DAPK1: variants seen among roughly 807,000 people sequenced by gnomAD.
DAPK1 encodes death-associated protein kinase 1.
A neutral mutation model predicts 144.9 loss-of-function variants in DAPK1; 56 were observed. The ratio of observed to expected loss-of-function variants is 0.39; its 90% CI spans 0.31 to 0.48. The LOEUF is 0.48. Ranked by LOEUF, DAPK1 falls within the 20% of genes least tolerant of loss-of-function variation. DAPK1 has a pLI of 0.95. For synonymous variants in DAPK1, 690 were observed against 749.0 expected (o/e 0.92, Z 1.29); for missense variants, 1,454 against 1,875.4 (o/e 0.78, Z 4.15).
chr9:87,626,485 G>A (rs1829499963), intron 3 of DAPK1, among the ~76,000 whole-genome samples: 1 of 152,140 alleles, frequency 6.6e-6, no homozygotes, highest in Non-Finnish European at 1.5e-5. Flanking sequence ...CGAAGCCAAA[G>A]CAACTTCATG....
At chr9:87,520,080 G>A (rs1403829306) in intron 2 of DAPK1, among the ~76,000 whole-genome samples, 2 of 152,024 alleles carry the variant, frequency 1.3e-5, no homozygotes, top group Admixed American at 1.3e-4. Context: ...ATATAGAATT[G>A]ACTTCTTCCC....
At chr9:87,502,204 C>T (rs988867886) in intron 2 of DAPK1, among the ~76,000 whole-genome samples, 1 of 152,002 alleles carries the variant, frequency 6.6e-6, no homozygotes, top group African/African-American at 2.4e-5. Context: ...TCAGCCTCCA[C>T]TATGATTCTG....
At chr9:87,623,077 G>T (rs980178038) in intron 3 of DAPK1, among the ~76,000 whole-genome samples, 22 of 152,204 alleles carry the variant, frequency 1.4e-4, no homozygotes, top group African/African-American at 5.3e-4. Context: ...CACATAAGGG[G>T]CCCACTAGGA....
At chr9:87,668,574 A>G (rs779007073) in intron 18 of DAPK1, 23 bp from the exon 19 acceptor site, 1 of 1,106,688 alleles carries the variant, frequency 9.0e-7, no homozygotes, top group African/African-American at 1.5e-5. Context: ...GAGAAAAGAA[A>G]CTAATGCATT....
intron 15 of DAPK1, among the ~76,000 whole-genome samples, chr9:87,649,350 C>T (rs777880163): frequency 3.9e-5 from 6 of 152,172 alleles, no homozygotes; most frequent in South Asian, 2.1e-4. Context: ...ACAGGCCTCA[C>T]GGTCTATAAG....
intron 2 of DAPK1, among the ~76,000 whole-genome samples, chr9:87,549,018 G>GT (rs1826372976): frequency 6.9e-6 from 1 of 144,808 alleles, no homozygotes; most frequent in African/African-American, 2.6e-5. Context: ...TGCCATGGTG[G>GT]TTTGCTGCAC....
intron 2 of DAPK1, among the ~76,000 whole-genome samples, chr9:87,571,458 C>CCA (rs1564000670): frequency 1.5e-5 from 1 of 66,602 alleles, no homozygotes; most frequent in Non-Finnish European, 2.8e-5. Context: ...CACACACACA[C>CCA]ACACACACAC....
At chr9:87,606,447 C>T (rs1828716918) in intron 3 of DAPK1, among the ~76,000 whole-genome samples, 1 of 151,376 alleles carries the variant, frequency 6.6e-6, no homozygotes, top group African/African-American at 2.4e-5. Context: ...TATGCTCCCT[C>T]CCTCCCTTCC....
At position 87,604,950 on chromosome 9, in the gene DAPK1, T is replaced by A; in HGVS notation, c.63-4T>A. ...ATAAAGAATCCTCCATCTTCTCTTT[T>A]CAGTGGACAGTTTGCGGTTGTGAAG... On this transcript the variant is annotated splice_polypyrimidine_tract_variant and splice_region_variant and intron_variant, in intron 2 of 25. Coordinates refer to ENST00000408954, the MANE Select transcript of DAPK1 (RefSeq NM_004938.4). The A allele has an allele frequency of 6.2e-7, 1 of 1,613,400 alleles. No homozygotes were observed. The highest frequency in any genetic ancestry group is 8.5e-7 in the Non-Finnish European group (1 of 1,179,352).
intron 3 of DAPK1, chr9:87,632,108 A>ATG (rs1045913308): frequency 2.5e-5 from 16 of 635,416 alleles, no homozygotes; most frequent in Non-Finnish European, 2.9e-5. Context: ...ATATATATAT[A>ATG]TGTATGTGTG....
chr9:87,631,303 G>A (rs967367420), intron 3 of DAPK1, among the ~76,000 whole-genome samples: 1 of 152,152 alleles, frequency 6.6e-6, no homozygotes, highest in Non-Finnish European at 1.5e-5. Context: ...CCTCCAGAAT[G>A]TTTTAATTTA....
intron 2 of DAPK1, among the ~76,000 whole-genome samples, chr9:87,516,274 A>G (rs1041943650): frequency 1.3e-5 from 2 of 152,140 alleles, no homozygotes; most frequent in Admixed American, 1.3e-4. Context: ...TGCAGCATCC[A>G]TACTGTTGGG....
intron 2 of DAPK1, among the ~76,000 whole-genome samples, chr9:87,510,890 A>G (rs1225576985): frequency 6.6e-6 from 1 of 152,230 alleles, no homozygotes; most frequent in African/African-American, 2.4e-5. Flanking sequence ...GGTTGTGAGG[A>G]TGTCTGTGAT....
At chr9:87,518,749 G>A (rs1825179325) in intron 2 of DAPK1, among the ~76,000 whole-genome samples, 1 of 152,088 alleles carries the variant, frequency 6.6e-6, no homozygotes, top group Admixed American at 6.5e-5. Context: ...GGTTTCTGCT[G>A]ACATATCAGT....
Position 87,707,487 on chromosome 9 carries a change from A to G in DAPK1, c.*123A>G. 1.5e-6 allele frequency: 1 copy of G among 649,612 alleles called. No individual in the cohort carries two copies. Among genetic ancestry groups the G allele is most frequent in the Non-Finnish European group, 2.6e-6 (1 of 380,270 alleles). 40.2% of individuals were successfully genotyped at this position (649,612 alleles called of 1,614,324 possible). A position where few individuals can be genotyped will look rare whatever the true frequency, so the allele number is the denominator to read the frequency against. The stretch of plus-strand genomic sequence containing the variant: ...CTGCACCCACAGCCAGGGGGATGCC[A>G]CTCCTCCCTCCGGCTTGACCTGTTT... On this transcript the variant is annotated 3_prime_UTR_variant, in exon 26 of 26. Coordinates refer to ENST00000408954, the MANE Select transcript of DAPK1 (RefSeq NM_004938.4). This position sits in a 1 kb window ranked among gnomAD's most constrained non-coding sequence, Gnocchi z 4.0.
chr9:87,640,202 T>C, intron 7 of DAPK1, 96 bp from the exon 8 acceptor site: 2 of 1,225,416 alleles, frequency 1.6e-6, no homozygotes, highest in East Asian at 4.7e-5. Flanking sequence ...GAGCACCAGA[T>C]TATAATCTTA....
intron 19 of DAPK1, among the ~76,000 whole-genome samples, chr9:87,677,659 G>A (rs1019587626): frequency 2.0e-5 from 3 of 152,320 alleles, no homozygotes; most frequent in Non-Finnish European, 4.4e-5. Flanking sequence ...AAGAATCTCT[G>A]TGTGGCAGGA....
intron 19 of DAPK1, among the ~76,000 whole-genome samples, chr9:87,675,369 A>C (rs1258180681): frequency 6.6e-6 from 1 of 152,044 alleles, no homozygotes; most frequent in Non-Finnish European, 1.5e-5. Flanking sequence ...AGCCCGAGGA[A>C]GGGCTGGAGG....
At chr9:87,541,490 G>A (rs746113838) in intron 2 of DAPK1, among the ~76,000 whole-genome samples, 2 of 151,602 alleles carry the variant, frequency 1.3e-5, no homozygotes, top group Non-Finnish European at 2.9e-5. Flanking sequence ...CAAAGATTGC[G>A]GTGAGTGGAG....
Sources: gnomAD v4.1 joint callset for allele counts (sites outside exome capture counted in the v4.1 genomes callset) on GRCh38, gnomAD v4.1.1 for gene constraint, Gnocchi (gnomAD v3.1) non-coding constraint, MANE v1.5 for transcripts, NCBI Gene and HGNC (gene_info 2026-07-23, HGNC 2026-07-21) for gene names.